The following ZBBX variants were observed in gnomAD, a reference collection of about 807,000 sequenced individuals.
ZBBX encodes the protein zinc finger B-box domain containing.
In ZBBX, 101 loss-of-function variants were observed where a neutral mutation model predicts 108.5. That is an observed-to-expected ratio of 0.93 (90% CI 0.79 to 1.10). The LOEUF (loss-of-function observed/expected upper bound fraction) is 1.10. Among genes scored for constraint, ZBBX ranks in the 50% least tolerant of loss-of-function variants. The pLI, the probability that ZBBX is intolerant of heterozygous loss-of-function variation, is 0.00. For missense variants in ZBBX, 1,009 were observed against 941.4 expected (o/e 1.07, Z -0.94); for synonymous variants, 356 against 323.4 (o/e 1.10, Z -1.08).
At chr3:167,352,087 T>TA (rs11394528) in intron 8 of ZBBX, among the ~76,000 whole-genome samples, 122,521 of 151,526 alleles carry the variant, frequency 0.81, 49,588 homozygotes, top group East Asian at 0.96. Flanking sequence ...TCAAGGAACA[T>TA]AAAAAAAGAG....
At chr3:167,334,439 T>C (rs1205309940) in intron 9 of ZBBX, among the ~76,000 whole-genome samples, 1 of 151,878 alleles carries the variant, frequency 6.6e-6, no homozygotes, top group Non-Finnish European at 1.5e-5. Context: ...CCAGGCATGG[T>C]GGTGTGTGCC....
the ZBBX span, among the ~76,000 whole-genome samples, chr3:167,180,672 G>A: frequency 1.3e-4 from 20 of 152,290 alleles, no homozygotes; most frequent in Non-Finnish European, 2.4e-4. Context: ...TGTTTAACTT[G>A]CCTTGTGGCA....
intron 6 of ZBBX, among the ~76,000 whole-genome samples, chr3:167,362,685 A>T (rs977072401): frequency 2.6e-5 from 4 of 152,080 alleles, no homozygotes; most frequent in African/African-American, 4.8e-5. Context: ...CTTAGACACA[A>T]TCTTCACCAA....
chr3:167,342,562 C>A lies in ZBBX; in HGVS notation c.528+7858G>T, dbSNP rs371667069. Among the ~76,000 whole-genome samples, 7 of 151,674 alleles carry A rather than the reference C, an allele frequency of 4.6e-5. No individual in the cohort carries two copies. In the East Asian group the frequency reaches 9.7e-4, roughly 21 times the overall value. On this transcript the variant is annotated intron_variant, in intron 9 of 21. Transcript: ENST00000675490. ...CCATCTGTATTATTAACCGTAGGTA[C>A]CATGTTGTACAACAGGTACCCAGAA...
rs1032062567 is a variant in ZBBX at position 167,399,045 on chromosome 3, C to A, written c.-446+8681G>T. Among the ~76,000 whole-genome samples, 47 of 150,970 alleles carry A rather than the reference C, an allele frequency of 3.1e-4. No homozygotes were observed. The Middle Eastern group carries it at 0.01, about 33-fold the overall frequency. ...TGTGATGCCCTATGCTACCTTGAGA[C>A]TCTTCGGAGTCCCCACCACCAAGAA... On this transcript the variant is annotated intron_variant, in intron 1 of 21. Coordinates refer to the ZBBX transcript ENST00000455345.
the ZBBX span, among the ~76,000 whole-genome samples, chr3:167,216,194 G>A: frequency 6.6e-6 from 1 of 152,058 alleles, no homozygotes; most frequent in African/African-American, 2.4e-5. Flanking sequence ...ATCTCTGTTT[G>A]CATATGACAT....
At chr3:167,288,387 G>T (rs1414303405) in intron 19 of ZBBX, among the ~76,000 whole-genome samples, 1 of 152,070 alleles carries the variant, frequency 6.6e-6, no homozygotes, top group Non-Finnish European at 1.5e-5. Flanking sequence ...AGATTCCAGG[G>T]TCAATGCATA....
the ZBBX span, among the ~76,000 whole-genome samples, chr3:167,227,876 A>C: frequency 6.6e-6 from 1 of 151,656 alleles, no homozygotes; most frequent in African/African-American, 2.4e-5. Flanking sequence ...TGCTGTCCTG[A>C]ATATTAGGAA....
At chr3:167,366,413 C>T (rs945637575) in intron 5 of ZBBX, among the ~76,000 whole-genome samples, 1 of 151,778 alleles carries the variant, frequency 6.6e-6, no homozygotes, top group African/African-American at 2.4e-5. Context: ...CTCTAATGAT[C>T]TCCCACATTG....
At chr3:167,188,507 A>G in the ZBBX span, among the ~76,000 whole-genome samples, 84 of 152,318 alleles carry the variant, frequency 5.5e-4, no homozygotes, top group East Asian at 1.7e-3. Flanking sequence ...AATAAATATT[A>G]TAAATTTGAT....
intron 19 of ZBBX, among the ~76,000 whole-genome samples, chr3:167,286,614 A>G (rs1481804786): frequency 6.6e-6 from 1 of 152,140 alleles, no homozygotes; most frequent in Non-Finnish European, 1.5e-5. Context: ...TGAAGGTAAA[A>G]GTGTTTAGTG....
chr3:167,315,912 G>T, intron 14 of ZBBX, 83 bp from the exon 15 acceptor site: 1 of 789,220 alleles, frequency 1.3e-6, no homozygotes. Flanking sequence ...GGTGATATTT[G>T]GAGTACATTT....
intron 20 of ZBBX, among the ~76,000 whole-genome samples, chr3:167,258,152 T>C (rs547738634): frequency 3.7e-4 from 56 of 152,244 alleles, no homozygotes; most frequent in Admixed American, 8.5e-4. Flanking sequence ...ACAGTAGATG[T>C]TGGCATGGAT....
intron 12 of ZBBX, among the ~76,000 whole-genome samples, chr3:167,320,352 C>T (rs1017768396): frequency 1.3e-5 from 2 of 149,632 alleles, no homozygotes; most frequent in African/African-American, 4.9e-5. Context: ...AAATAAATAA[C>T]AATAATATTA....
intron 17 of ZBBX, among the ~76,000 whole-genome samples, chr3:167,300,108 C>T (rs950903566): frequency 2.6e-5 from 4 of 152,136 alleles, no homozygotes; most frequent in African/African-American, 9.7e-5. Context: ...TTCTGTGAAA[C>T]TATTTACACT....
At chr3:167,397,871 A>T (rs542389241) in intron 1 of ZBBX, among the ~76,000 whole-genome samples, 1 of 151,242 alleles carries the variant, frequency 6.6e-6, no homozygotes, top group African/African-American at 2.4e-5. Context: ...AAAAAAAATT[A>T]GGTTACATTT....
intron 15 of ZBBX, 40 bp from the exon 16 acceptor site, chr3:167,314,156 A>G: frequency 6.6e-7 from 1 of 1,514,402 alleles, no homozygotes. Context: ...AGAGTTGAAA[A>G]AATGATTTTA....
upstream of ZBBX, among the ~76,000 whole-genome samples, chr3:167,383,145 A>G (rs1454031601): frequency 1.3e-5 from 2 of 152,110 alleles, no homozygotes; most frequent in Non-Finnish European, 2.9e-5. Context: ...AATGGGACAA[A>G]TATCATATCT....
chr3:167,180,085 T>G, the ZBBX span, among the ~76,000 whole-genome samples: 1 of 152,216 alleles, frequency 6.6e-6, no homozygotes, highest in East Asian at 1.9e-4. Context: ...AAAAAGCCAC[T>G]CTACAAGATC....
Sources: allele counts gnomAD v4.1 joint callset (sites outside exome capture counted in the v4.1 genomes callset), GRCh38; gene constraint gnomAD v4.1.1; transcripts MANE v1.5; gene names NCBI Gene and HGNC (gene_info 2026-07-23, HGNC 2026-07-21).